ZNF536: variants seen among roughly 807,000 people sequenced by gnomAD.
The protein encoded by ZNF536 is zinc finger protein 536.
In ZNF536, 13 loss-of-function variants were observed where a neutral mutation model predicts 84.5. The ratio of observed to expected loss-of-function variants is 0.15; its 90% CI spans 0.10 to 0.24. The LOEUF (loss-of-function observed/expected upper bound fraction) is 0.24. ZNF536 is among the 10% of genes least tolerant of loss of function. ZNF536 has a pLI of 1.00. For synonymous variants in ZNF536, 811 were observed against 742.5 expected, an observed-to-expected ratio of 1.09 and a Z score of -1.50; for missense variants, 1,536 against 1,747.5, an observed-to-expected ratio of 0.88 and a Z score of 2.16.
Position 30,683,669 on chromosome 19 carries a change from T to C in ZNF536, c.170-27088T>C, listed in dbSNP as rs183494077. Among the ~76,000 whole-genome samples, 188 of 152,316 alleles carry C rather than the reference T, an allele frequency of 1.2e-3. 1 individual carries two copies. Among genetic ancestry groups the C allele is most frequent in the Admixed American group, 3.5e-3 (53 of 15,292 alleles). ...AAGGGGAATGAAATTGCTCACTAAATATCTTTTCAAAGACATGACCTTTCT... is the reference window on the plus strand; with the variant it reads ...AAGGGGAATGAAATTGCTCACTAAACATCTTTTCAAAGACATGACCTTTCT... On this transcript the variant is annotated intron_variant, in intron 1 of 1. Transcript: ENST00000592773.
chr19:30,568,145 T>C (rs2046418172), intron 1 of ZNF536, among the ~76,000 whole-genome samples: 1 of 152,226 alleles, frequency 6.6e-6, no homozygotes, highest in South Asian at 2.1e-4. Flanking sequence ...CTGGAGAAGT[T>C]TAAAGAGATA....
chr19:30,667,618 T>C (rs1283293093), intron 1 of ZNF536, among the ~76,000 whole-genome samples: 2 of 144,928 alleles, frequency 1.4e-5, no homozygotes, highest in Non-Finnish European at 3.0e-5. Context: ...GCTAGAGTTT[T>C]TTCTAGCTTT....
At chr19:30,559,967 T>C (rs1186016119), downstream of ZNF536, among the ~76,000 whole-genome samples, 1 of 152,058 alleles carries the variant, frequency 6.6e-6, no homozygotes, top group Non-Finnish European at 1.5e-5. Flanking sequence ...TCTCCTGCTT[T>C]TATGAAGCCA....
intron 2 of ZNF536, among the ~76,000 whole-genome samples, chr19:30,349,683 C>T (rs919414167): frequency 6.6e-6 from 1 of 152,014 alleles, no homozygotes; most frequent in Non-Finnish European, 1.5e-5. Flanking sequence ...CCTCAGCCCT[C>T]GACCCTGCCC....
At chr19:30,677,819 C>T (rs907153381) in intron 1 of ZNF536, among the ~76,000 whole-genome samples, 3 of 152,144 alleles carry the variant, frequency 2.0e-5, no homozygotes, top group Non-Finnish European at 4.4e-5. Flanking sequence ...TGGCCTGCCC[C>T]CTCTGATTTG....
chr19:30,270,757 T>G (rs2025786372), intron 1 of ZNF536, among the ~76,000 whole-genome samples: 1 of 152,146 alleles, frequency 6.6e-6, no homozygotes, highest in African/African-American at 2.4e-5. Context: ...CAGGTTTTTT[T>G]TTTTTTTTTT....
intron 1 of ZNF536, among the ~76,000 whole-genome samples, chr19:30,572,899 T>C (rs976170007): frequency 1.3e-5 from 2 of 152,158 alleles, no homozygotes; most frequent in Non-Finnish European, 2.9e-5. Flanking sequence ...CATCAGGACT[T>C]TTAATGGCCA....
At chr19:30,388,304 A>G (rs977146077) in intron 1 of ZNF536, among the ~76,000 whole-genome samples, 1 of 152,172 alleles carries the variant, frequency 6.6e-6, no homozygotes, top group Non-Finnish European at 1.5e-5. Flanking sequence ...GAGGGAGGTC[A>G]TGTGACTTTG....
intron 1 of ZNF536, among the ~76,000 whole-genome samples, chr19:30,280,693 G>A (rs1017448776): frequency 4.6e-5 from 7 of 152,222 alleles, no homozygotes; most frequent in Non-Finnish European, 7.3e-5. Flanking sequence ...GGGGTACCCC[G>A]TCTCTGCTCA....
chr19:30,419,535 C>T (rs4805562), intron 1 of ZNF536, among the ~76,000 whole-genome samples: 148,972 of 152,298 alleles, frequency 0.98, 72,893 homozygotes, highest in Non-Finnish European at 0.98. Context: ...CACACATATG[C>T]GTGTGTATAT....
chr19:30,649,936 T>C (rs543628094), intron 1 of ZNF536, among the ~76,000 whole-genome samples: 4 of 152,144 alleles, frequency 2.6e-5, no homozygotes, highest in African/African-American at 9.6e-5. Context: ...GACAAAGGAA[T>C]TGTAGATTAG....
rs769419345 is a variant in ZNF536, at chr19:30,548,707, C to T, written c.3088C>T (p.Arg1030Cys). 5.5e-5 allele frequency: 89 copies of T among 1,614,014 alleles called. No homozygotes were observed. The Admixed American group carries it at 6.7e-4, about 12-fold the overall frequency. The change falls in exon 4 of 5, where the codon CGC becomes TGC. Residue 1030 changes from arginine (R) to cysteine (C), a missense_variant. This residue lies in a region of ZNF536 where 624 missense variants were observed against 603.1 expected (regional missense o/e 1.03). Transcript: ENST00000355537. The part of the protein sequence containing the change: ...LQANHLGKAK[R>C]KDNTIGVTVN... ...GGCCAACCACCTGGGCAAAGCGAAA[C>T]GCAAAGATAACACCATCGGGGTCAC...
chr19:30,475,431 C>T (rs1876675523), intron 2 of ZNF536, among the ~76,000 whole-genome samples: 2 of 152,062 alleles, frequency 1.3e-5, no homozygotes, highest in South Asian at 4.1e-4. Flanking sequence ...TAGTAAGACC[C>T]TATCTCTAGC....
intron 1 of ZNF536, among the ~76,000 whole-genome samples, chr19:30,270,078 G>A (rs1465814946): frequency 6.6e-6 from 1 of 152,164 alleles, no homozygotes; most frequent in Non-Finnish European, 1.5e-5. Flanking sequence ...TCATCAGATA[G>A]GTGCACACAC....
intron 1 of ZNF536, among the ~76,000 whole-genome samples, chr19:30,382,907 T>G (rs568148626): frequency 6.6e-6 from 1 of 152,334 alleles, no homozygotes; most frequent in African/African-American, 2.4e-5. Flanking sequence ...CTCTTCTTTG[T>G]GCAAAAGAAT....
At chr19:30,432,525 G>T (rs1210903440) in intron 1 of ZNF536, among the ~76,000 whole-genome samples, 1 of 152,156 alleles carries the variant, frequency 6.6e-6, no homozygotes, top group African/African-American at 2.4e-5. Context: ...GGGCTGGGCT[G>T]CTGGGAGATG....
chr19:30,625,957 A>G (rs2048660552), intron 1 of ZNF536, among the ~76,000 whole-genome samples: 1 of 152,234 alleles, frequency 6.6e-6, no homozygotes, highest in Admixed American at 6.5e-5. Context: ...TGGCTAAAAT[A>G]TTTTAAAATG....
chr19:30,612,130 C>G (rs1175341586), intron 1 of ZNF536, among the ~76,000 whole-genome samples: 1 of 152,190 alleles, frequency 6.6e-6, no homozygotes, highest in African/African-American at 2.4e-5. Context: ...GGATTTGGTG[C>G]TCCCGAAAGA....
intron 1 of ZNF536, among the ~76,000 whole-genome samples, chr19:30,278,413 G>C (rs1160429838): frequency 6.6e-6 from 1 of 152,156 alleles, no homozygotes. Flanking sequence ...GAGGCCCTGT[G>C]AGAGCCCAGT....
Sources: gnomAD v4.1 joint callset for allele counts (sites outside exome capture counted in the v4.1 genomes callset) on GRCh38, gnomAD v4.1.1 for gene constraint, gnomAD v4.1.1 regional missense constraint, MANE v1.5 for transcripts, NCBI Gene and HGNC (gene_info 2026-07-23, HGNC 2026-07-21) for gene names.